DSCAM: variants seen among roughly 807,000 people sequenced by gnomAD.
DSCAM encodes DS cell adhesion molecule, also known as cell adhesion molecule DSCAM.
A neutral mutation model predicts 217.7 loss-of-function variants in DSCAM; 47 were observed. That is an observed-to-expected ratio of 0.22 (90% CI 0.17 to 0.28). DSCAM has a LOEUF of 0.28. Ranked by LOEUF, DSCAM falls within the 10% of genes least tolerant of loss-of-function variation. The pLI, the probability that DSCAM is intolerant of heterozygous loss-of-function variation, is 1.00. For missense variants in DSCAM, 2,080 were observed against 2,618.3 expected, an observed-to-expected ratio of 0.79 and a Z score of 4.49; for synonymous variants, 1,056 against 1,015.3, an observed-to-expected ratio of 1.04 and a Z score of -0.76.
intron 4 of DSCAM, among the ~76,000 whole-genome samples, chr21:40,361,380 G>C (rs988956545): frequency 1.3e-5 from 2 of 152,142 alleles, no homozygotes; most frequent in Non-Finnish European, 2.9e-5. Flanking sequence ...CAGCACTTTG[G>C]GAGGCCGAGG....
intron 3 of DSCAM, among the ~76,000 whole-genome samples, chr21:40,534,405 T>C (rs370837728): frequency 3.9e-5 from 6 of 152,176 alleles, no homozygotes; most frequent in African/African-American, 1.4e-4. Context: ...TACTTCCTCT[T>C]GTATGTAAGA....
chr21:40,642,440 T>C (rs1049639665), intron 3 of DSCAM, among the ~76,000 whole-genome samples: 3 of 152,128 alleles, frequency 2.0e-5, no homozygotes, highest in South Asian at 4.1e-4. Context: ...GAAAGAGCCA[T>C]GGTTTAGAAC....
At chr21:40,231,512 T>TA (rs1192013996) in intron 11 of DSCAM, among the ~76,000 whole-genome samples, 1 of 148,820 alleles carries the variant, frequency 6.7e-6, no homozygotes, top group Admixed American at 6.7e-5. Flanking sequence ...CTTTTATTTC[T>TA]TTTTTTTTTA....
chr21:40,018,907 G>T (rs1190524929), intron 32 of DSCAM, among the ~76,000 whole-genome samples: 2 of 152,202 alleles, frequency 1.3e-5, no homozygotes, highest in East Asian at 3.8e-4. Flanking sequence ...TTCAGGCAAA[G>T]CTCTACAAAG....
chr21:40,509,940 C>T (rs1326000385), intron 3 of DSCAM, among the ~76,000 whole-genome samples: 2 of 152,012 alleles, frequency 1.3e-5, no homozygotes, highest in African/African-American at 4.8e-5. Flanking sequence ...CTGGCTAACA[C>T]AGTGAAACCC....
At chr21:40,505,992 C>T (rs1398371285) in intron 3 of DSCAM, among the ~76,000 whole-genome samples, 4 of 152,186 alleles carry the variant, frequency 2.6e-5, no homozygotes, top group African/African-American at 9.7e-5. Flanking sequence ...ACCACACACA[C>T]ACAAAACAAG....
chr21:40,287,587 A>G (rs2073843825), intron 10 of DSCAM, among the ~76,000 whole-genome samples: 1 of 152,162 alleles, frequency 6.6e-6, no homozygotes, highest in Non-Finnish European at 1.5e-5. Context: ...TCCATCTTGC[A>G]TGGAAACGTT....
intron 11 of DSCAM, among the ~76,000 whole-genome samples, chr21:40,224,747 A>T (rs1332488069): frequency 6.6e-6 from 1 of 152,242 alleles, no homozygotes; most frequent in Non-Finnish European, 1.5e-5. Flanking sequence ...TTCTAAAATG[A>T]GTATCAGAGA....
At chr21:40,271,286 T>C (rs1163326783) in intron 11 of DSCAM, among the ~76,000 whole-genome samples, 1 of 152,228 alleles carries the variant, frequency 6.6e-6, no homozygotes, top group Non-Finnish European at 1.5e-5. Context: ...CAAGAGTAAC[T>C]GACTCTCCAG....
intron 3 of DSCAM, among the ~76,000 whole-genome samples, chr21:40,569,693 T>C (rs1288295819): frequency 6.6e-6 from 1 of 152,176 alleles, no homozygotes; most frequent in Non-Finnish European, 1.5e-5. Flanking sequence ...TGGTGGACCC[T>C]GACTGACATA....
At chr21:40,067,088 G>A (rs555348015) in intron 27 of DSCAM, among the ~76,000 whole-genome samples, 14 of 152,228 alleles carry the variant, frequency 9.2e-5, no homozygotes, top group South Asian at 4.1e-4. Context: ...TATCTTCAAC[G>A]TGCTCAGAAC....
intron 3 of DSCAM, among the ~76,000 whole-genome samples, chr21:40,602,192 C>T (rs2077067510): frequency 6.6e-6 from 1 of 151,256 alleles, no homozygotes; most frequent in Admixed American, 6.6e-5. Flanking sequence ...TCCCAAGTAG[C>T]TGGGACTATA....
chr21:40,479,495 T>C (rs903521558), intron 3 of DSCAM, among the ~76,000 whole-genome samples: 1 of 152,296 alleles, frequency 6.6e-6, no homozygotes. Context: ...TTGACTCAGT[T>C]CCACATGGCT....
chr21:40,479,809 A>C (rs1259914452), intron 3 of DSCAM, among the ~76,000 whole-genome samples: 2 of 152,096 alleles, frequency 1.3e-5, no homozygotes, highest in African/African-American at 4.8e-5. Context: ...ATTTTTAAAA[A>C]TCTGTCAGCA....
chr21:40,725,956 G>C (rs532398422), intron 1 of DSCAM, among the ~76,000 whole-genome samples: 4 of 152,100 alleles, frequency 2.6e-5, no homozygotes, highest in African/African-American at 4.8e-5. Context: ...GAATTAAAAG[G>C]TTGCAAACTC....
At chr21:40,707,969 C>T (rs1269868926) in intron 2 of DSCAM, among the ~76,000 whole-genome samples, 2 of 152,152 alleles carry the variant, frequency 1.3e-5, no homozygotes, top group African/African-American at 4.8e-5. Flanking sequence ...GTTAAAATAG[C>T]CTTTCTATTT....
chr21:40,685,932 CAAACAA>C (rs138811486), intron 3 of DSCAM, among the ~76,000 whole-genome samples: 125 of 143,128 alleles, frequency 8.7e-4, no homozygotes, highest in African/African-American at 1.7e-3. Context: ...GAAACTGAGG[CAAACAA>C]AAACAAAAAC....
chr21:40,666,991 C>T (rs548199444), intron 3 of DSCAM, among the ~76,000 whole-genome samples: 1 of 152,160 alleles, frequency 6.6e-6, no homozygotes, highest in African/African-American at 2.4e-5. Flanking sequence ...CCTAGAGAAG[C>T]CTTTCTAGAA....
At chr21:40,545,290 G>A (rs1029487628) in intron 3 of DSCAM, among the ~76,000 whole-genome samples, 6 of 152,168 alleles carry the variant, frequency 3.9e-5, no homozygotes, top group Non-Finnish European at 7.3e-5. Context: ...CCACCCAGAC[G>A]ATGGTATTCT....
Sources: gnomAD v4.1 joint callset for allele counts (sites outside exome capture counted in the v4.1 genomes callset) on GRCh38, gnomAD v4.1.1 for gene constraint, MANE v1.5 for transcripts, NCBI Gene and HGNC (gene_info 2026-07-23, HGNC 2026-07-21) for gene names.